Variants in MITF observed in about 807,000 individuals in gnomAD.
MITF encodes the protein melanocyte inducing transcription factor, also known as microphthalmia-associated transcription factor.
MITF carries 17 observed loss-of-function variants against 60.5 expected under a neutral mutation model. The observed-to-expected ratio is 0.28, with a 90% CI of 0.19 to 0.42. The LOEUF is 0.42. MITF is among the 10% of genes least tolerant of loss of function. The probability of loss-of-function intolerance (pLI) is 1.00; values close to 1 mark genes in which losing one functional copy is unlikely to be tolerated. For missense variants in MITF, 622 were observed against 683.5 expected, an observed-to-expected ratio of 0.91 and a Z score of 1.00; for synonymous variants, 260 against 248.5, an observed-to-expected ratio of 1.05 and a Z score of -0.43.
At chr3:69,885,434 G>T (rs1002843480) in intron 2 of MITF, among the ~76,000 whole-genome samples, 1 of 152,034 alleles carries the variant, frequency 6.6e-6, no homozygotes, top group South Asian at 2.1e-4. Context: ...GGAAGTGAGG[G>T]CTAAAAACTG....
At chr3:69,921,923 C>T (rs536122053) in intron 2 of MITF, among the ~76,000 whole-genome samples, 1 of 152,274 alleles carries the variant, frequency 6.6e-6, no homozygotes, top group South Asian at 2.1e-4. Context: ...GCTGGACTCT[C>T]GCATACTGGA....
rs755066259 is a variant in MITF, at chr3:69,879,357, A to G, written c.328A>G (p.Thr110Ala). ...VSVPTTLPSA[T>A]QVPMEVLKVQ... ...TGTGCCCACCACCCTTCCCTCTGCC[A>G]CGCAGGTGCCGATGGAAGTCCTTAA... Residue 110 changes from threonine (T) to alanine (A), a missense_variant, in exon 2 of 10, where the codon ACG (threonine) becomes GCG (alanine). Physicochemically the swap from Thr to Ala is moderately conservative, Grantham distance 58. Coordinates refer to ENST00000352241, the MANE Select transcript of MITF (RefSeq NM_001354604.2). 2 of 1,614,218 alleles carry G rather than the reference A, an allele frequency of 1.2e-6. No individual in the cohort carries two copies. The highest frequency in any genetic ancestry group is 1.7e-5 in the Admixed American group (1 of 60,030).
intron 2 of MITF, among the ~76,000 whole-genome samples, chr3:69,915,163 A>G (rs1383262992): frequency 6.6e-6 from 1 of 152,204 alleles, no homozygotes; most frequent in African/African-American, 2.4e-5. Flanking sequence ...TAAATCAATC[A>G]CACTTTTCTC....
chr3:69,951,764 G>A (rs767990898), intron 6 of MITF, 48 bp from the exon 7 acceptor site: 21 of 1,401,658 alleles, frequency 1.5e-5, no homozygotes, highest in Non-Finnish European at 1.8e-5. Context: ...TACATTTTGT[G>A]CAACTTCAAA....
At chr3:69,887,569 A>G (rs1196887322) in intron 2 of MITF, among the ~76,000 whole-genome samples, 2 of 152,106 alleles carry the variant, frequency 1.3e-5, no homozygotes, top group African/African-American at 4.8e-5. Context: ...TTGTTTAGTA[A>G]TTTATAACTT....
At chr3:69,742,545 C>T (rs1385695782) in intron 1 of MITF, among the ~76,000 whole-genome samples, 1 of 152,138 alleles carries the variant, frequency 6.6e-6, no homozygotes, top group Non-Finnish European at 1.5e-5. Context: ...CCAGGCTGGT[C>T]TCCTCACTGT....
intron 1 of MITF, among the ~76,000 whole-genome samples, chr3:69,861,739 G>T (rs1415919915): frequency 6.6e-6 from 1 of 152,142 alleles, no homozygotes; most frequent in Admixed American, 6.5e-5. Context: ...CACACATGCT[G>T]GGAAAACTAA....
chr3:69,931,400 G>A (rs2065719733), intron 2 of MITF, among the ~76,000 whole-genome samples: 1 of 152,060 alleles, frequency 6.6e-6, no homozygotes. Context: ...ATTTTCTTAT[G>A]ATAACACCTT....
chr3:69,900,321 G>A (rs1229427629), intron 2 of MITF, among the ~76,000 whole-genome samples: 3 of 152,206 alleles, frequency 2.0e-5, no homozygotes, highest in Non-Finnish European at 4.4e-5. Context: ...TTAAAAAATC[G>A]TGATATTTCC....
intron 1 of MITF, among the ~76,000 whole-genome samples, chr3:69,767,918 G>A (rs1272235200): frequency 6.6e-6 from 1 of 152,066 alleles, no homozygotes; most frequent in Non-Finnish European, 1.5e-5. Flanking sequence ...ATTGCAAGAG[G>A]GTAAAAACCT....
chr3:69,842,177 G>T (rs541567754), intron 1 of MITF, among the ~76,000 whole-genome samples: 1 of 152,210 alleles, frequency 6.6e-6, no homozygotes, highest in Middle Eastern at 3.4e-3. Context: ...AGTATAGTCA[G>T]TTCTGCTATA....
At chr3:69,950,261 C>A (rs1263564898) in intron 6 of MITF, among the ~76,000 whole-genome samples, 1 of 151,788 alleles carries the variant, frequency 6.6e-6, no homozygotes, top group East Asian at 1.9e-4. Flanking sequence ...CACCACTGCA[C>A]TCCAGCCTGG....
chr3:69,944,955 A>G (rs1295049006), intron 5 of MITF, among the ~76,000 whole-genome samples: 3 of 152,042 alleles, frequency 2.0e-5, no homozygotes, highest in South Asian at 2.1e-4. Flanking sequence ...CTTTTATTTG[A>G]TTATTTGAAA....
At chr3:69,800,989 A>G (rs1395292484) in intron 1 of MITF, among the ~76,000 whole-genome samples, 2 of 152,148 alleles carry the variant, frequency 1.3e-5, no homozygotes, top group African/African-American at 4.8e-5. Flanking sequence ...TTATAGGAAT[A>G]AAAGTCAGAA....
intron 1 of MITF, among the ~76,000 whole-genome samples, chr3:69,863,774 C>G (rs1260797155): frequency 6.6e-6 from 1 of 152,130 alleles, no homozygotes; most frequent in Non-Finnish European, 1.5e-5. Flanking sequence ...ATTGCCTGGG[C>G]TGGTCTTGAA....
At chr3:69,915,477 A>G (rs1341496907) in intron 2 of MITF, among the ~76,000 whole-genome samples, 1 of 151,688 alleles carries the variant, frequency 6.6e-6, no homozygotes, top group Non-Finnish European at 1.5e-5. Context: ...CACTTCATAT[A>G]TATATTTGTA....
At chr3:69,796,188 C>T (rs1417848131) in intron 1 of MITF, among the ~76,000 whole-genome samples, 1 of 152,070 alleles carries the variant, frequency 6.6e-6, no homozygotes, top group Non-Finnish European at 1.5e-5. Flanking sequence ...TTCATGTTGG[C>T]CAGGCTGGTC....
chr3:69,897,512 G>A (rs1292776971), intron 2 of MITF, among the ~76,000 whole-genome samples: 3 of 152,126 alleles, frequency 2.0e-5, no homozygotes, highest in African/African-American at 7.2e-5. Flanking sequence ...ATCTTTTTTG[G>A]TAAAGTTTTA....
At chr3:69,795,095 T>C (rs1323230344) in intron 1 of MITF, among the ~76,000 whole-genome samples, 1 of 152,222 alleles carries the variant, frequency 6.6e-6, no homozygotes, top group African/African-American at 2.4e-5. Context: ...GTGGATGATG[T>C]ATTTTCTTTT....
Sources: gnomAD v4.1 joint callset for allele counts (sites outside exome capture counted in the v4.1 genomes callset) on GRCh38, gnomAD v4.1.1 for gene constraint, MANE v1.5 for transcripts, NCBI Gene and HGNC (gene_info 2026-07-23, HGNC 2026-07-21) for gene names.